Variants in LRP1B observed in about 807,000 individuals in gnomAD.
LRP1B encodes the protein LDL receptor related protein 1B, also known as low-density lipoprotein receptor-related protein 1B.
In LRP1B, 217 loss-of-function variants were observed where a neutral mutation model predicts 556.6. That is an observed-to-expected ratio of 0.39 (90% CI 0.35 to 0.44). The LOEUF (loss-of-function observed/expected upper bound fraction) is 0.44, where lower values mean the gene tolerates loss of function less well. LRP1B is among the 20% of genes least tolerant of loss of function. The pLI is 1.00. For missense variants in LRP1B, 5,053 were observed against 5,620.8 expected, an observed-to-expected ratio of 0.90 and a Z score of 3.23; for synonymous variants, 2,047 against 1,865.8, an observed-to-expected ratio of 1.10 and a Z score of -2.50.
chr2:141,689,967 T>G (rs1691454805), intron 2 of LRP1B, among the ~76,000 whole-genome samples: 1 of 151,830 alleles, frequency 6.6e-6, no homozygotes, highest in Admixed American at 6.6e-5. Flanking sequence ...CATTATCTAC[T>G]CTTGTAAATA....
At chr2:140,912,961 A>G (rs1383882477) in intron 21 of LRP1B, among the ~76,000 whole-genome samples, 2 of 151,822 alleles carry the variant, frequency 1.3e-5, no homozygotes, top group Non-Finnish European at 3.0e-5. Context: ...TTTAATAAAA[A>G]GATAACAAAT....
rs565820698 is a variant in LRP1B at position 141,584,552 on chromosome 2, GATATGT to G, written c.206-104025_206-104020del. On this transcript the variant is annotated intron_variant, in intron 2 of 90. Transcript: ENST00000389484. ...AATATTTACAACTTTTAATATTTATGATATGTATATATTTTTATTAATGAACAGTTG... is the reference window on the plus strand; with the variant it reads ...AATATTTACAACTTTTAATATTTATGATATATTTTTATTAATGAACAGTTG... Among the ~76,000 whole-genome samples, 822 of 152,240 alleles carry G rather than the reference GATATGT, an allele frequency of 5.4e-3. 2 individuals carry two copies. Among genetic ancestry groups the G allele is most frequent in the Non-Finnish European group, 8.7e-3 (589 of 68,024 alleles).
At chr2:141,060,916 T>A (rs910881801) in intron 8 of LRP1B, among the ~76,000 whole-genome samples, 1 of 151,660 alleles carries the variant, frequency 6.6e-6, no homozygotes, top group South Asian at 2.1e-4. Context: ...ATACAGGCAA[T>A]AGACATGGGG....
intron 7 of LRP1B, among the ~76,000 whole-genome samples, chr2:141,148,404 A>C (rs1043138993): frequency 2.0e-5 from 3 of 152,218 alleles, no homozygotes; most frequent in Admixed American, 6.5e-5. Flanking sequence ...CTGGGGAATT[A>C]ATCTACAGGA....
At chr2:142,021,629 C>A (rs958698682) in intron 1 of LRP1B, among the ~76,000 whole-genome samples, 1 of 151,800 alleles carries the variant, frequency 6.6e-6, no homozygotes, top group Non-Finnish European at 1.5e-5. Context: ...TGGTGTTAAC[C>A]CTAATCAGAG....
rs1431560705 is a variant in LRP1B, at chr2:140,787,324, T to A, written c.5360-11086A>T. Among the ~76,000 whole-genome samples, 3 of 152,196 alleles carry A rather than the reference T, an allele frequency of 2.0e-5. No individual in the cohort carries two copies. In the East Asian group the frequency reaches 5.8e-4, roughly 30 times the overall value. ...ATTTACTTCTTCTATCTGGAATATTTCCCTCCACTGCTATTCCCTCCACTC... is the reference window on the plus strand; with the variant it reads ...ATTTACTTCTTCTATCTGGAATATTACCCTCCACTGCTATTCCCTCCACTC... On this transcript the variant is annotated intron_variant, in intron 32 of 90. Transcript: ENST00000389484.
At chr2:140,630,825 C>G (rs1279295259) in intron 41 of LRP1B, among the ~76,000 whole-genome samples, 3 of 152,168 alleles carry the variant, frequency 2.0e-5, no homozygotes, top group African/African-American at 7.2e-5. Flanking sequence ...TCCTTCTCCT[C>G]TAGCCTTAGT....
At chr2:140,239,399 G>A (rs1342360134) in intron 88 of LRP1B, 43 bp downstream of exon 88, 2 of 1,253,802 alleles carry the variant, frequency 1.6e-6, no homozygotes, top group South Asian at 2.8e-5. Context: ...ACCTAGTTGT[G>A]TGATTTATTC....
chr2:140,589,348 T>C (rs1682123213), intron 43 of LRP1B, among the ~76,000 whole-genome samples: 1 of 152,100 alleles, frequency 6.6e-6, no homozygotes, highest in South Asian at 2.1e-4. Context: ...TAAGTGGGAA[T>C]GTAAAATGGT....
At chr2:140,264,936 G>A (rs573353311) in intron 86 of LRP1B, among the ~76,000 whole-genome samples, 60 of 144,680 alleles carry the variant, frequency 4.1e-4, no homozygotes, top group African/African-American at 1.4e-3. Context: ...ACACCTAGGT[G>A]TGGAATGGTG....
rs1419555713 is a variant in LRP1B at position 141,188,596 on chromosome 2, T to C, written c.851-13A>G. 3.1e-6 allele frequency: 5 copies of C among 1,610,000 alleles called. No homozygotes were observed. Among genetic ancestry groups the C allele is most frequent in the South Asian group, 2.2e-5 (2 of 90,858 alleles). ...ATTTGTTGCACATCTGAAAAACACA[T>C]ACACAAAATCATTGAATCACAGGTG... On this transcript the variant is annotated splice_polypyrimidine_tract_variant and intron_variant, in intron 6 of 90. Coordinates refer to ENST00000389484, the MANE Select transcript of LRP1B (RefSeq NM_018557.3).
intron 3 of LRP1B, among the ~76,000 whole-genome samples, chr2:141,263,076 C>T (rs938320946): frequency 6.6e-6 from 1 of 151,438 alleles, no homozygotes; most frequent in Non-Finnish European, 1.5e-5. Context: ...TCATGAGTTC[C>T]CTGCATATAG....
intron 15 of LRP1B, among the ~76,000 whole-genome samples, chr2:141,003,827 G>A (rs1697493597): frequency 6.6e-6 from 1 of 151,954 alleles, no homozygotes; most frequent in Admixed American, 6.6e-5. Flanking sequence ...ATTACAAAAT[G>A]CCACATCCAT....
At chr2:141,151,950 T>C (rs1701936799) in intron 7 of LRP1B, among the ~76,000 whole-genome samples, 1 of 151,978 alleles carries the variant, frequency 6.6e-6, no homozygotes, top group Non-Finnish European at 1.5e-5. Context: ...ATAAGAAAAA[T>C]AGTAATTTAA....
chr2:141,013,657 G>C lies in LRP1B; in HGVS notation c.2279C>G (p.Ser760Cys), dbSNP rs867402615. The C allele has an allele frequency of 6.2e-7, 1 of 1,612,136 alleles. No homozygotes were observed. The highest frequency in any genetic ancestry group is 8.5e-7 in the Non-Finnish European group (1 of 1,178,962). Reference protein sequence around the residue: ...YVFWTDYMNGSIFQLDLITSE... With the variant: ...YVFWTDYMNGCIFQLDLITSE... The stretch of plus-strand genomic sequence containing the variant: ...TGTTATCAAATCTAGTTGAAAAATG[G>C]AACCATTCATATAATCAGTCCAGAA... The change falls in exon 14 of 91, where the codon TCC (serine) becomes TGC (cysteine). Residue 760 changes from serine (S) to cysteine (C), a missense_variant. Around this residue, in one of 5 missense-constraint regions of LRP1B, gnomAD observed 3,619 missense variants for 3,931.9 expected, o/e 0.92. Coordinates refer to ENST00000389484, the MANE Select transcript of LRP1B (RefSeq NM_018557.3).
chr2:141,938,415 G>A (rs1700700088), intron 1 of LRP1B, among the ~76,000 whole-genome samples: 2 of 152,110 alleles, frequency 1.3e-5, no homozygotes, highest in Admixed American at 1.3e-4. Flanking sequence ...TGGTTAGGAT[G>A]ACCATGATAA....
At chr2:141,301,351 A>G (rs1260141299) in intron 3 of LRP1B, among the ~76,000 whole-genome samples, 1 of 152,152 alleles carries the variant, frequency 6.6e-6, no homozygotes, top group East Asian at 1.9e-4. Context: ...TACAGTGAAT[A>G]TGTTGTTTTA....
At chr2:140,840,860 A>G in intron 30 of LRP1B, 58 bp downstream of exon 30, 1 of 1,352,766 alleles carries the variant, frequency 7.4e-7, no homozygotes, top group Admixed American at 2.3e-5. Context: ...TTTATATAAA[A>G]TCAGGGCAAA....
At chr2:141,443,101 C>T (rs183523917) in intron 3 of LRP1B, among the ~76,000 whole-genome samples, 2 of 152,002 alleles carry the variant, frequency 1.3e-5, no homozygotes, top group Admixed American at 1.3e-4. Flanking sequence ...GTTGCTTCCC[C>T]ACATTTTAAT....
Sources: allele counts gnomAD v4.1 joint callset (sites outside exome capture counted in the v4.1 genomes callset), GRCh38; gene constraint gnomAD v4.1.1; regional missense constraint gnomAD v4.1.1; transcripts MANE v1.5; gene names NCBI Gene and HGNC (gene_info 2026-07-23, HGNC 2026-07-21).